The following ACOT1 variants were observed in gnomAD, a reference collection of about 807,000 sequenced individuals.
ACOT1 encodes acyl-CoA thioesterase 1.
In ACOT1, 8 loss-of-function variants were observed where a neutral mutation model predicts 15.7. The observed-to-expected ratio is 0.51, with a 90% CI of 0.30 to 0.92. The LOEUF (loss-of-function observed/expected upper bound fraction) is 0.92, where lower values mean the gene tolerates loss of function less well. Ranked by LOEUF, ACOT1 falls within the 40% of genes least tolerant of loss-of-function variation. The pLI is 0.06. For missense variants in ACOT1, 151 were observed against 539.4 expected (o/e 0.28, Z 7.13); for synonymous variants, 67 against 241.2 (o/e 0.28, Z 6.69).
the ACOT1 span, among the ~76,000 whole-genome samples, chr14:73,513,023 A>G: frequency 6.6e-6 from 1 of 152,212 alleles, no homozygotes; most frequent in Non-Finnish European, 1.5e-5. Context: ...CAAAGTAGGT[A>G]TAGGATAGCC....
chr14:73,527,091 C>A, the ACOT1 span: 2 of 152,124 alleles, frequency 1.3e-5, no homozygotes, highest in African/African-American at 2.4e-5. Flanking sequence ...GCTTAGGGCA[C>A]CCCCTGGTAT....
the ACOT1 span, chr14:73,492,650 G>T: frequency 6.2e-7 from 1 of 1,614,014 alleles, no homozygotes; most frequent in East Asian, 2.2e-5. This position sits in a 1 kb window ranked among gnomAD's most constrained non-coding sequence, Gnocchi z 4.9. Flanking sequence ...GTTGACAACA[G>T]AAACAGAAGT....
At position 73,542,539 on chromosome 14, in the gene ACOT1, G is replaced by A. The variant is rs2140314755; in HGVS notation, c.661-511G>A. ...CCTGCCTCGGCCTCCTGAGTAGCTG[G>A]GACTACAGGCGCATGCCACTTCTGC... On this transcript the variant is annotated intron_variant, in intron 2 of 2. Coordinates refer to ENST00000311148, the MANE Select transcript of ACOT1 (RefSeq NM_001037161.2). 1.9e-5 allele frequency among the ~76,000 whole-genome samples: 2 copies of A among 105,120 alleles called. 1 individual carries two copies. The highest frequency in any genetic ancestry group is 6.5e-5 in the African/African-American group (2 of 30,804). The allele number at this position is 105,120 out of a possible 152,430, so 69.0% of individuals were successfully genotyped here.
At chr14:73,494,356 T>A in the ACOT1 span, among the ~76,000 whole-genome samples, 1 of 152,206 alleles carries the variant, frequency 6.6e-6, no homozygotes, top group Admixed American at 6.5e-5. Context: ...ACAGTTTGAT[T>A]TCTGCACCCT....
chr14:73,505,583 A>G, the ACOT1 span, among the ~76,000 whole-genome samples: 27 of 151,994 alleles, frequency 1.8e-4, no homozygotes, highest in African/African-American at 6.5e-4. Flanking sequence ...TTTAGTACAG[A>G]TAGGATTTCA....
intron 2 of ACOT1, 110 bp from the exon 3 acceptor site, chr14:73,542,940 A>G: frequency 1.8e-6 from 2 of 1,109,164 alleles, no homozygotes; most frequent in Non-Finnish European, 2.4e-6. Context: ...GGTAAATGGT[A>G]GAACCCAGAT....
chr14:73,518,615 A>G, the ACOT1 span, among the ~76,000 whole-genome samples: 4 of 152,148 alleles, frequency 2.6e-5, no homozygotes, highest in Non-Finnish European at 5.9e-5. Context: ...GTGAAAGTTC[A>G]GGTATGGGTG....
At chr14:73,509,237 G>T in the ACOT1 span, 2 of 1,400,134 alleles carry the variant, frequency 1.4e-6, no homozygotes, top group South Asian at 1.2e-5. Flanking sequence ...ACAGTGGAGA[G>T]GAAAGGACTG....
the ACOT1 span, among the ~76,000 whole-genome samples, chr14:73,510,686 T>G: frequency 6.6e-6 from 1 of 152,212 alleles, no homozygotes; most frequent in Non-Finnish European, 1.5e-5. Context: ...TCCACCTGCC[T>G]TGGCCTTCCA....
the ACOT1 span, chr14:73,508,134 T>C: frequency 6.2e-7 from 1 of 1,613,918 alleles, no homozygotes; most frequent in Non-Finnish European, 8.5e-7. Flanking sequence ...GGACACATAC[T>C]GTCTTCTCAC....
the ACOT1 span, among the ~76,000 whole-genome samples, chr14:73,524,310 A>AAAAAAAAAAATAT: frequency 5.5e-5 from 3 of 54,780 alleles, no homozygotes; most frequent in African/African-American, 1.8e-4. Flanking sequence ...AAAAAAAAAA[A>AAAAAAAAAAATAT]ATATATATAT....
chr14:73,516,685 C>T, the ACOT1 span, among the ~76,000 whole-genome samples: 14 of 152,268 alleles, frequency 9.2e-5, 1 homozygote, highest in Admixed American at 1.3e-4. Flanking sequence ...TGTTAGGAAC[C>T]GGGCCACCAC....
the ACOT1 span, among the ~76,000 whole-genome samples, chr14:73,532,026 C>G: frequency 9.7e-5 from 11 of 113,576 alleles, 2 homozygotes; most frequent in African/African-American, 3.2e-4. Flanking sequence ...GAGTGAAGTG[C>G]AGTCTCAAAA....
At chr14:73,510,147 C>A in the ACOT1 span, among the ~76,000 whole-genome samples, 2 of 151,798 alleles carry the variant, frequency 1.3e-5, no homozygotes, top group African/African-American at 4.8e-5. Context: ...AGACGTGTGC[C>A]ACCGCCCCCA....
the ACOT1 span, chr14:73,522,644 A>G: frequency 7.4e-6 from 12 of 1,614,110 alleles, no homozygotes; most frequent in Admixed American, 5.0e-5. Context: ...ATCTGGATGC[A>G]TGCAGGGATG....
chr14:73,505,905 T>TG, the ACOT1 span, among the ~76,000 whole-genome samples: 1 of 150,210 alleles, frequency 6.7e-6, no homozygotes, highest in Non-Finnish European at 1.5e-5. Context: ...TTTTTTTTTT[T>TG]TTTGAGATGG....
At chr14:73,511,143 T>C in the ACOT1 span, among the ~76,000 whole-genome samples, 3 of 152,146 alleles carry the variant, frequency 2.0e-5, no homozygotes, top group Admixed American at 2.0e-4. Context: ...TAGTCTCATT[T>C]TATAGATAGG....
chr14:73,532,646 C>T (rs1595149744), upstream of ACOT1, among the ~76,000 whole-genome samples: 6 of 115,320 alleles, frequency 5.2e-5, 1 homozygote, highest in Admixed American at 2.0e-4. Context: ...CGAGAGGGTA[C>T]GTTTTTGGTA....
In ACOT1 at chr14:73,543,057, G is replaced by C; in HGVS notation, c.668G>C (p.Gly223Ala). The part of the protein sequence containing the change: ...NYLLSHPEVK[G>A]PGVGLLGISK... ...CCTTTGTCCCTTTCTCAGGTAAAAG[G>C]TCCAGGAGTTGGGCTGCTTGGAATT... is the stretch of plus-strand genomic sequence containing the variant. Residue 223 changes from glycine (G) to alanine (A), a missense_variant, in exon 3 of 3, where the codon GGT becomes GCT. By Grantham distance (60) the Gly-to-Ala change is moderately conservative. Transcript: ENST00000311148. 2 of 1,492,134 alleles carry C rather than the reference G, an allele frequency of 1.3e-6. No individual in the cohort carries two copies. The highest frequency in any genetic ancestry group is 1.8e-6 in the Non-Finnish European group (2 of 1,090,622). The allele number at this position is 1,492,134 out of a possible 1,614,324, so 92.4% of individuals were successfully genotyped here.
Sources: gnomAD v4.1 joint callset for allele counts (sites outside exome capture counted in the v4.1 genomes callset) on GRCh38, gnomAD v4.1.1 for gene constraint, Gnocchi (gnomAD v3.1) non-coding constraint, MANE v1.5 for transcripts, NCBI Gene and HGNC (gene_info 2026-07-23, HGNC 2026-07-21) for gene names.